Variants in WWOX observed in about 807,000 individuals in gnomAD.
The protein encoded by WWOX is WW domain-containing oxidoreductase.
WWOX carries 69 observed loss-of-function variants against 46.2 expected under a neutral mutation model. The observed-to-expected ratio is 1.49, with a 90% CI of 1.23 to 1.82. The LOEUF is 1.82. Among genes scored for constraint, WWOX ranks in the 40% most tolerant of loss-of-function variants. The probability of loss-of-function intolerance (pLI) is 0.00; values close to 1 mark genes in which losing one functional copy is unlikely to be tolerated. For missense variants in WWOX, 919 were observed against 542.6 expected, an observed-to-expected ratio of 1.69 and a Z score of -6.89; for synonymous variants, 359 against 202.6, an observed-to-expected ratio of 1.77 and a Z score of -6.56.
At chr16:78,194,558 A>C (rs1390859272) in intron 5 of WWOX, among the ~76,000 whole-genome samples, 2 of 144,668 alleles carry the variant, frequency 1.4e-5, no homozygotes, top group Non-Finnish European at 3.0e-5. Context: ...ACTGCACTCC[A>C]GGCTGGGCGA....
intron 8 of WWOX, among the ~76,000 whole-genome samples, chr16:79,060,154 G>T (rs923862396): frequency 4.6e-5 from 7 of 152,174 alleles, no homozygotes. Flanking sequence ...TTGGGCAGTG[G>T]GGGTGGGGAG....
chr16:78,518,935 G>T (rs944091653), intron 8 of WWOX, among the ~76,000 whole-genome samples: 2 of 152,238 alleles, frequency 1.3e-5, no homozygotes, highest in Non-Finnish European at 2.9e-5. Context: ...GTCTTCTGAA[G>T]TATAGGAAAA....
chr16:78,706,858 C>T (rs755968475), intron 8 of WWOX, among the ~76,000 whole-genome samples: 56 of 152,126 alleles, frequency 3.7e-4, no homozygotes, highest in African/African-American at 9.9e-4. Flanking sequence ...GTGTAATTGA[C>T]GCAATCCTGG....
At chr16:78,643,668 C>A (rs1290394496) in intron 8 of WWOX, among the ~76,000 whole-genome samples, 1 of 151,980 alleles carries the variant, frequency 6.6e-6, no homozygotes, top group African/African-American at 2.4e-5. Flanking sequence ...AATAATGGCC[C>A]CGTTGTAAAT....
At chr16:78,527,991 C>CTTTTTTTTGTTTTTTTTTTTTTTTT (rs2043519216) in intron 8 of WWOX, among the ~76,000 whole-genome samples, 1 of 34,880 alleles carries the variant, frequency 2.9e-5, no homozygotes, top group Non-Finnish European at 5.3e-5. Context: ...GGTACATGTC[C>CTTTTTTTTGTTTTTTTTTTTTTTTT]TTTTTTTTTT....
At chr16:78,331,005 C>G (rs1261178539) in intron 5 of WWOX, among the ~76,000 whole-genome samples, 1 of 152,122 alleles carries the variant, frequency 6.6e-6, no homozygotes, top group Non-Finnish European at 1.5e-5. Flanking sequence ...GAAGTTGATG[C>G]TAAAGATTGG....
At chr16:79,048,823 G>C (rs1200065626) in intron 8 of WWOX, among the ~76,000 whole-genome samples, 1 of 152,162 alleles carries the variant, frequency 6.6e-6, no homozygotes, top group Non-Finnish European at 1.5e-5. Flanking sequence ...GTGGTCACCA[G>C]CATTGTAGCT....
Position 78,381,461 on chromosome 16 carries a change from T to G in WWOX, c.517-5399T>G, listed in dbSNP as rs116198785. 8.7e-3 allele frequency among the ~76,000 whole-genome samples: 1,326 copies of G among 152,290 alleles called. 12 individuals carry two copies. Among genetic ancestry groups the G allele is most frequent in the African/African-American group, 0.03 (1,242 of 41,566 alleles). The stretch of plus-strand genomic sequence containing the variant: ...TGATTATGACCTTCTGGCTGAGCCC[T>G]GGATGTTGGGAGCAAGTGGGCTTCT... On this transcript the variant is annotated intron_variant, in intron 5 of 8. Coordinates refer to ENST00000566780, the MANE Select transcript of WWOX (RefSeq NM_016373.4).
chr16:78,897,347 G>A (rs1186385310), intron 8 of WWOX: 1 of 145,034 alleles, frequency 6.9e-6, no homozygotes, highest in Admixed American at 7.1e-5. Flanking sequence ...TTTATTCCCA[G>A]AAACAAGCAT....
intron 8 of WWOX, among the ~76,000 whole-genome samples, chr16:78,939,814 G>A (rs538505813): frequency 1.2e-4 from 18 of 152,052 alleles, no homozygotes; most frequent in Non-Finnish European, 2.4e-4. Context: ...CCTCCCTTCC[G>A]TCATCCTTCA....
At chr16:78,363,863 A>G (rs2081469869) in intron 5 of WWOX, among the ~76,000 whole-genome samples, 1 of 152,140 alleles carries the variant, frequency 6.6e-6, no homozygotes, top group Non-Finnish European at 1.5e-5. Flanking sequence ...GCAGAGTTCG[A>G]GGCAGGGCCT....
intron 8 of WWOX, among the ~76,000 whole-genome samples, chr16:79,096,472 C>T (rs1389661125): frequency 6.6e-5 from 10 of 152,226 alleles, no homozygotes; most frequent in African/African-American, 2.2e-4. Flanking sequence ...ACCCATGCCC[C>T]TCCTGGTTAT....
chr16:78,529,688 C>T (rs1597218147), intron 8 of WWOX, among the ~76,000 whole-genome samples: 3 of 151,976 alleles, frequency 2.0e-5, no homozygotes, highest in African/African-American at 2.4e-5. Context: ...AGGATGGTCT[C>T]GATCTCCTGA....
chr16:78,898,603 C>T (rs1266803929), intron 8 of WWOX: 1 of 152,040 alleles, frequency 6.6e-6, no homozygotes, highest in Admixed American at 6.6e-5. Context: ...TAGATACTTT[C>T]CTTTTACATA....
chr16:79,111,237 G>T (rs371127683), intron 8 of WWOX, among the ~76,000 whole-genome samples: 2 of 152,222 alleles, frequency 1.3e-5, no homozygotes, highest in Non-Finnish European at 1.5e-5. Flanking sequence ...TTTGTAAGCA[G>T]TTCAGGCACT....
At chr16:78,914,833 C>G (rs190461203) in intron 8 of WWOX, among the ~76,000 whole-genome samples, 12 of 144,650 alleles carry the variant, frequency 8.3e-5, no homozygotes, top group Non-Finnish European at 1.0e-4. Flanking sequence ...GAGCCAGGAT[C>G]GCGCCACTGC....
chr16:78,144,837 G>A (rs1002367030), intron 4 of WWOX, among the ~76,000 whole-genome samples: 6 of 151,782 alleles, frequency 4.0e-5, no homozygotes, highest in African/African-American at 1.5e-4. Flanking sequence ...TACTTTTAAT[G>A]GCAAAGATAA....
chr16:78,972,185 C>G (rs546039335), intron 8 of WWOX, among the ~76,000 whole-genome samples: 2 of 152,122 alleles, frequency 1.3e-5, no homozygotes, highest in African/African-American at 4.8e-5. Flanking sequence ...AAACTGGGCT[C>G]CCTGGCCATC....
chr16:78,405,372 C>G (rs3926281), intron 6 of WWOX, among the ~76,000 whole-genome samples: 4,545 of 152,196 alleles, frequency 0.03, 220 homozygotes, highest in African/African-American at 0.1. Context: ...AGAATCCATT[C>G]CCAGTTAATT....
Sources: allele counts gnomAD v4.1 joint callset (sites outside exome capture counted in the v4.1 genomes callset), GRCh38; gene constraint gnomAD v4.1.1; transcripts MANE v1.5; gene names NCBI Gene and HGNC (gene_info 2026-07-23, HGNC 2026-07-21).